ZNF621: variants seen among roughly 807,000 people sequenced by gnomAD.
ZNF621 encodes zinc finger protein 621.
Under a neutral mutation model 12.7 loss-of-function variants are expected in ZNF621, and 6 were observed. The ratio of observed to expected loss-of-function variants is 0.47; its 90% confidence interval spans 0.26 to 0.93. The LOEUF is 0.93. ZNF621 is among the 40% of genes least tolerant of loss of function. ZNF621 has a pLI of 0.15. For missense variants in ZNF621, 474 were observed against 524.0 expected (o/e 0.90, Z 0.93); for synonymous variants, 156 against 190.3 (o/e 0.82, Z 1.48).
chr3:40,531,283 G>A (rs1698720957), intron 4 of ZNF621, among the ~76,000 whole-genome samples: 1 of 152,164 alleles, frequency 6.6e-6, no homozygotes, highest in Admixed American at 6.5e-5. Flanking sequence ...ACCTCTTGTA[G>A]TGCTGGAGCT....
At position 40,529,175 on chromosome 3, in the gene ZNF621, G is replaced by C. The variant is rs913335152; in HGVS notation, c.25-144G>C. The C allele has an allele frequency of 2.7e-5, 25 of 930,502 alleles. 1 individual carries two copies. The Admixed American group carries it at 4.0e-4, about 15-fold the overall frequency. 57.6% of individuals were successfully genotyped at this position (930,502 alleles called of 1,614,324 possible). On this transcript the variant is annotated intron_variant, in intron 2 of 4. Transcript: ENST00000339296. Reference sequence around the variant, plus strand: ...GGCTGAGGGCTCGCCCCTGGCTGTGGTGGTGGGTGTTCTTGTTGAGCAGAC... The same window carrying C: ...GGCTGAGGGCTCGCCCCTGGCTGTGCTGGTGGGTGTTCTTGTTGAGCAGAC...
At chr3:40,527,667 A>G (rs757105874) in intron 2 of ZNF621, among the ~76,000 whole-genome samples, 39 of 152,324 alleles carry the variant, frequency 2.6e-4, no homozygotes, top group Non-Finnish European at 2.6e-4. Context: ...GCCCCTACAC[A>G]TGTATATACA....
In ZNF621 at chr3:40,537,894, G is replaced by A. The variant is rs1379585770; in HGVS notation, c.*4804G>A. Among the ~76,000 whole-genome samples the A allele has an allele frequency of 6.6e-6, 1 of 152,226 alleles. No homozygotes were observed. Among genetic ancestry groups the A allele is most frequent in the Non-Finnish European group, 1.5e-5 (1 of 68,046 alleles). On this transcript the variant is annotated 3_prime_UTR_variant, in exon 5 of 5. Transcript: ENST00000339296. ...TTAATTGATGAAGTTGCTACACCACGAGATTTTCAGTGTATTCCAAACAGC... is the reference window on the plus strand; with the variant it reads ...TTAATTGATGAAGTTGCTACACCACAAGATTTTCAGTGTATTCCAAACAGC...
chr3:40,529,690 A>C (rs1300521141), intron 3 of ZNF621: 2 of 1,033,164 alleles, frequency 1.9e-6, no homozygotes, highest in Non-Finnish European at 2.7e-6. Context: ...TGGCATAGCC[A>C]TGGCTCACTG....
chr3:40,533,034 A>G lies in ZNF621; in HGVS notation c.1264A>G (p.Thr422Ala). 5 of 1,551,328 alleles carry G rather than the reference A, an allele frequency of 3.2e-6. No homozygotes were observed. Among genetic ancestry groups the G allele is most frequent in the Non-Finnish European group, 4.4e-6 (5 of 1,146,930 alleles). Residue 422 changes from threonine (T) to alanine (A), a missense_variant, in exon 5 of 5, where the codon ACT becomes GCT. By Grantham distance (58) the Thr-to-Ala change is moderately conservative (BLOSUM62 0). Transcript: ENST00000339296. ...AATAGTGCGTGTCTTCCAGGGTCTTACTCCCACTGTGAAACCTTCCCCAGT... is the reference window on the plus strand; with the variant it reads ...AATAGTGCGTGTCTTCCAGGGTCTTGCTCCCACTGTGAAACCTTCCCCAGT... ...AQIVRVFQGL[T>A]PTVKPSPVIL...
Position 40,532,814 on chromosome 3 carries a change from C to CAAG in ZNF621, c.1045_1047dup (p.Lys349dup). The CAAG allele has an allele frequency of 6.2e-7, 1 of 1,614,192 alleles. No homozygotes were observed. The highest frequency in any genetic ancestry group is 8.5e-7 in the Non-Finnish European group (1 of 1,180,030). The stretch of plus-strand genomic sequence containing the variant: ...TGCACCCTGTGGAGAAGAAGCCAGT[C>CAAG]AAGGTCCTTGGGCCATCCCTGGTCA... On this transcript the variant is annotated inframe_insertion, in exon 5 of 5. Transcript: ENST00000339296.
rs1698872777 is a variant in ZNF621, at chr3:40,536,723, T to C, written c.*3633T>C. On this transcript the variant is annotated 3_prime_UTR_variant, in exon 5 of 5. Transcript: ENST00000339296. The stretch of plus-strand genomic sequence containing the variant: ...AGGCATACCTCATTTTATTGCAGTT[T>C]GTTTTATTGTGTCTTGCGGATATTG... 6.6e-6 allele frequency: 1 copy of C among 152,244 alleles called. No individual in the cohort carries two copies. The highest frequency in any genetic ancestry group is 1.5e-5 in the Non-Finnish European group (1 of 68,044). 9.4% of individuals were successfully genotyped at this position (152,244 alleles called of 1,614,324 possible).
chr3:40,527,078 T>C (rs570714793), intron 2 of ZNF621, among the ~76,000 whole-genome samples: 54 of 152,102 alleles, frequency 3.6e-4, no homozygotes, highest in African/African-American at 1.2e-3. Context: ...AGTGCAATGG[T>C]GCGATCTTCG....
In ZNF621 at chr3:40,533,401, A is replaced by G. The variant is rs1257670281; in HGVS notation, c.*311A>G. On this transcript the variant is annotated 3_prime_UTR_variant, in exon 5 of 5. Transcript: ENST00000339296. Reference sequence around the variant, plus strand: ...AGTGATCCGCCTGCCTTGGCCCCCCAAAGTGCTGGGATTACAGGAGTGAGC... The same window carrying G: ...AGTGATCCGCCTGCCTTGGCCCCCCGAAGTGCTGGGATTACAGGAGTGAGC... 6.3e-6 allele frequency: 2 copies of G among 315,346 alleles called. No homozygotes were observed. The highest frequency in any genetic ancestry group is 2.1e-5 in the African/African-American group (1 of 47,770). The allele number at this position is 315,346 out of a possible 1,614,324, so 19.5% of individuals were successfully genotyped here.
At position 40,532,487 on chromosome 3, in the gene ZNF621, G is replaced by A. The variant is rs761458016; in HGVS notation, c.717G>A (p.Glu239=). The A allele has an allele frequency of 1.9e-6, 3 of 1,614,086 alleles. No individual in the cohort carries two copies. Among genetic ancestry groups the A allele is most frequent in the African/African-American group, 2.7e-5 (2 of 74,934 alleles). Residue 239 remains glutamate (E), a synonymous_variant, in exon 5 of 5, where the codon GAG becomes GAA. Coordinates refer to ENST00000339296, the MANE Select transcript of ZNF621 (RefSeq NM_198484.5). Reference sequence around the variant, plus strand: ...GAGAGAAACCCTATGAATGTAAAGAGTGTGGAAAGGCTTTCCGTAGGAGTG... The same window carrying A: ...GAGAGAAACCCTATGAATGTAAAGAATGTGGAAAGGCTTTCCGTAGGAGTG... ...HTGEKPYECK[E]CGKAFRRSAA... is the part of the protein sequence containing the mutation.
upstream of ZNF621, among the ~76,000 whole-genome samples, chr3:40,523,785 A>G (rs1698512340): frequency 8.3e-6 from 1 of 120,772 alleles, no homozygotes; most frequent in Admixed American, 7.8e-5. Context: ...AACAAACAAA[A>G]AACAAGCAAA....
At position 40,533,184 on chromosome 3, in the gene ZNF621, A is replaced by C; in HGVS notation, c.*94A>C. ...GAGAAAGGGTCTTGCTCTGTCACCC[A>C]GGCTAGAGTGCGGTGGTGTGATCTT... is the stretch of plus-strand genomic sequence containing the variant. On this transcript the variant is annotated 3_prime_UTR_variant, in exon 5 of 5. Transcript: ENST00000339296. 2 of 1,473,358 alleles carry C rather than the reference A, an allele frequency of 1.4e-6. No homozygotes were observed. Among genetic ancestry groups the C allele is most frequent in the South Asian group, 1.4e-5 (1 of 69,940 alleles). The allele number at this position is 1,473,358 out of a possible 1,614,324, so 91.3% of individuals were successfully genotyped here. A position where few individuals can be genotyped will look rare whatever the true frequency, so the allele number is the denominator to read the frequency against.
chr3:40,531,703 CA>C (rs1698729262), intron 4 of ZNF621, among the ~76,000 whole-genome samples: 1 of 152,166 alleles, frequency 6.6e-6, no homozygotes, highest in Non-Finnish European at 1.5e-5. Context: ...GCTAGGACCA[CA>C]GGGGTGCGCC....
chr3:40,524,539 G>A (rs988332842), upstream of ZNF621, among the ~76,000 whole-genome samples: 1 of 152,232 alleles, frequency 6.6e-6, no homozygotes, highest in Admixed American at 6.5e-5. Context: ...GGACTGCCCA[G>A]CTGAGGACCC....
In ZNF621 at chr3:40,536,739, G is replaced by A. The variant is rs1255307194; in HGVS notation, c.*3649G>A. 1 of 152,162 alleles carries A rather than the reference G, an allele frequency of 6.6e-6. No individual in the cohort carries two copies. The highest frequency in any genetic ancestry group is 1.5e-5 in the Non-Finnish European group (1 of 68,044). 9.4% of individuals were successfully genotyped at this position (152,162 alleles called of 1,614,324 possible). ...ATTGCAGTTTGTTTTATTGTGTCTT[G>A]CGGATATTGCATTTTTTACAAACTG... On this transcript the variant is annotated 3_prime_UTR_variant, in exon 5 of 5. Coordinates refer to ENST00000339296, the MANE Select transcript of ZNF621 (RefSeq NM_198484.5).
At chr3:40,527,270 G>T (rs982230948) in intron 2 of ZNF621, among the ~76,000 whole-genome samples, 1 of 152,064 alleles carries the variant, frequency 6.6e-6, no homozygotes, top group Non-Finnish European at 1.5e-5. Context: ...GCCTGCCTCA[G>T]CCTCCCAAAG....
upstream of ZNF621, among the ~76,000 whole-genome samples, chr3:40,523,443 A>C (rs972344090): frequency 6.6e-6 from 1 of 152,176 alleles, no homozygotes; most frequent in African/African-American, 2.4e-5. Flanking sequence ...AACTGTGTTC[A>C]GGAGAAGTTA....
chr3:40,532,456 A>G lies in ZNF621; in HGVS notation c.686A>G (p.His229Arg). The G allele has an allele frequency of 2.5e-6, 4 of 1,614,208 alleles. No individual in the cohort carries two copies. The highest frequency in any genetic ancestry group is 3.4e-6 in the Non-Finnish European group (4 of 1,180,040). ...NTALTQHQRI[H>R]TGEKPYECKE... ...GCCTTGACTCAACATCAGAGGATCCACACTGGAGAGAAACCCTATGAATGT... is the reference window on the plus strand; with the variant it reads ...GCCTTGACTCAACATCAGAGGATCCGCACTGGAGAGAAACCCTATGAATGT... Residue 229 changes from histidine (H) to arginine (R), a missense_variant, in exon 5 of 5, where the codon CAC (histidine) becomes CGC (arginine). Coordinates refer to ENST00000339296, the MANE Select transcript of ZNF621 (RefSeq NM_198484.5).
At position 40,534,244 on chromosome 3, in the gene ZNF621, C is replaced by T. The variant is rs1224069812; in HGVS notation, c.*1154C>T. On this transcript the variant is annotated 3_prime_UTR_variant, in exon 5 of 5. Transcript: ENST00000339296. ...ACTCGAGGGGAATCTGAATAAGCTT[C>T]CAAAATTTTTTTTTTTAAGAAATAA... 6.6e-6 allele frequency: 1 copy of T among 151,512 alleles called. No homozygotes were observed. The highest frequency in any genetic ancestry group is 2.4e-5 in the African/African-American group (1 of 41,222). The allele number at this position is 151,512 out of a possible 1,614,324, so 9.4% of individuals were successfully genotyped here.
Sources: gnomAD v4.1 joint callset for allele counts (sites outside exome capture counted in the v4.1 genomes callset) on GRCh38, gnomAD v4.1.1 for gene constraint, MANE v1.5 for transcripts, NCBI Gene and HGNC (gene_info 2026-07-23, HGNC 2026-07-21) for gene names.